Variants in SHISA9 observed in about 807,000 individuals in gnomAD.
The protein encoded by SHISA9 is shisa family member 9.
Under a neutral mutation model 38.0 loss-of-function variants are expected in SHISA9, and 13 were observed. The ratio of observed to expected loss-of-function variants is 0.34; its 90% CI spans 0.22 to 0.54. The LOEUF (loss-of-function observed/expected upper bound fraction) is 0.54. Ranked by LOEUF, SHISA9 falls within the 20% of genes least tolerant of loss-of-function variation. The pLI is 0.91. For missense variants in SHISA9, 538 were observed against 575.8 expected (o/e 0.93, Z 0.67); for synonymous variants, 275 against 242.0 (o/e 1.14, Z -1.27).
At chr16:13,494,609 G>C in the SHISA9 span, among the ~76,000 whole-genome samples, 2 of 151,930 alleles carry the variant, frequency 1.3e-5, no homozygotes, top group Admixed American at 6.6e-5. Context: ...TATGCTGCCA[G>C]TAAAATTAAA....
intron 2 of SHISA9, among the ~76,000 whole-genome samples, chr16:13,047,020 T>C (rs2073195734): frequency 6.6e-6 from 1 of 152,212 alleles, no homozygotes; most frequent in African/African-American, 2.4e-5. Flanking sequence ...ATAAATCGTA[T>C]TCATTTTGGA....
intron 2 of SHISA9, among the ~76,000 whole-genome samples, chr16:12,977,593 A>C (rs2072181118): frequency 6.6e-6 from 1 of 152,226 alleles, no homozygotes; most frequent in South Asian, 2.1e-4. Context: ...TAGACTGGAT[A>C]AAGAAAATGT....
chr16:13,395,135 A>T, the SHISA9 span, among the ~76,000 whole-genome samples: 1 of 152,170 alleles, frequency 6.6e-6, no homozygotes, highest in Non-Finnish European at 1.5e-5. Flanking sequence ...AGGTTTCATG[A>T]ATATGCAGAC....
chr16:13,150,475 G>A (rs1351262556), intron 2 of SHISA9, among the ~76,000 whole-genome samples: 1 of 152,084 alleles, frequency 6.6e-6, no homozygotes, highest in East Asian at 1.9e-4. Context: ...AGCAGCAAGA[G>A]ACACAGCAAG....
At chr16:13,352,063 G>C in the SHISA9 span, among the ~76,000 whole-genome samples, 1 of 152,164 alleles carries the variant, frequency 6.6e-6, no homozygotes, top group East Asian at 1.9e-4. Flanking sequence ...CATGGAGAGA[G>C]GATGTGATAG....
chr16:12,916,878 C>T, intron 2 of SHISA9, 63 bp downstream of exon 2: 1 of 1,510,768 alleles, frequency 6.6e-7, no homozygotes, highest in Non-Finnish European at 8.9e-7. Context: ...GGTCACATTG[C>T]CAGATTTCGT....
the SHISA9 span, among the ~76,000 whole-genome samples, chr16:13,507,827 G>C: frequency 6.6e-6 from 1 of 152,194 alleles, no homozygotes; most frequent in African/African-American, 2.4e-5. Flanking sequence ...GGCTAGAAAT[G>C]GGGTAGTAAA....
At chr16:13,217,756 G>C (rs576160208) in intron 4 of SHISA9, among the ~76,000 whole-genome samples, 8 of 152,196 alleles carry the variant, frequency 5.3e-5, no homozygotes, top group East Asian at 3.9e-4. Flanking sequence ...TAGGCCGGGC[G>C]TGGTGGCTCA....
intron 2 of SHISA9, among the ~76,000 whole-genome samples, chr16:13,022,375 A>G (rs1379430003): frequency 6.6e-6 from 1 of 151,916 alleles, no homozygotes; most frequent in African/African-American, 2.4e-5. Flanking sequence ...CTTGTTGCCC[A>G]GGCTGGAGTG....
At chr16:13,392,995 C>A in the SHISA9 span, among the ~76,000 whole-genome samples, 5 of 152,196 alleles carry the variant, frequency 3.3e-5, no homozygotes, top group Middle Eastern at 3.2e-3. Flanking sequence ...TACCTTGTTA[C>A]AGCAGCCCTT....
chr16:13,276,328 T>C, the SHISA9 span, among the ~76,000 whole-genome samples: 1 of 150,400 alleles, frequency 6.6e-6, no homozygotes. Flanking sequence ...GACAGGTATT[T>C]GGGCTGGTTT....
At chr16:12,974,870 ACT>A (rs1458941479) in intron 2 of SHISA9, among the ~76,000 whole-genome samples, 1 of 152,096 alleles carries the variant, frequency 6.6e-6, no homozygotes, top group Non-Finnish European at 1.5e-5. Flanking sequence ...TACATCTATA[ACT>A]CTATATTTAT....
chr16:13,544,002 G>A, the SHISA9 span, among the ~76,000 whole-genome samples: 1 of 152,068 alleles, frequency 6.6e-6, no homozygotes, highest in African/African-American at 2.4e-5. Context: ...GGGAAGTCAC[G>A]TGCCTAAAAT....
At chr16:13,531,956 G>A in the SHISA9 span, among the ~76,000 whole-genome samples, 2 of 152,102 alleles carry the variant, frequency 1.3e-5, no homozygotes, top group Non-Finnish European at 2.9e-5. Context: ...GTGATGACAC[G>A]AAGAAGAAGA....
At chr16:13,145,521 C>T (rs1188074913) in intron 2 of SHISA9, among the ~76,000 whole-genome samples, 1 of 151,590 alleles carries the variant, frequency 6.6e-6, no homozygotes, top group Non-Finnish European at 1.5e-5. Flanking sequence ...GAGCGAAACA[C>T]CATCTCAACA....
chr16:13,144,645 A>G (rs958596649), intron 2 of SHISA9, among the ~76,000 whole-genome samples: 6 of 152,326 alleles, frequency 3.9e-5, no homozygotes, highest in South Asian at 2.1e-4. Flanking sequence ...AGTGACTTCT[A>G]TCATCTTAAA....
chr16:12,907,848 A>C (rs894038467), intron 1 of SHISA9, among the ~76,000 whole-genome samples: 1 of 152,154 alleles, frequency 6.6e-6, no homozygotes, highest in African/African-American at 2.4e-5. Context: ...GGTTGCCACT[A>C]AGTGATGACT....
intron 2 of SHISA9, among the ~76,000 whole-genome samples, chr16:13,088,338 C>T (rs2073736733): frequency 6.6e-6 from 1 of 151,946 alleles, no homozygotes; most frequent in Non-Finnish European, 1.5e-5. Flanking sequence ...TAGTTTTTTC[C>T]AATTCTGTGA....
chr16:13,278,646 G>T, the SHISA9 span, among the ~76,000 whole-genome samples: 16 of 151,906 alleles, frequency 1.1e-4, no homozygotes, highest in Non-Finnish European at 1.8e-4. Flanking sequence ...AAGCTAGGAG[G>T]GTTGTATTTT....
Sources: allele counts gnomAD v4.1 joint callset (sites outside exome capture counted in the v4.1 genomes callset), GRCh38; gene constraint gnomAD v4.1.1; transcripts MANE v1.5; gene names NCBI Gene and HGNC (gene_info 2026-07-23, HGNC 2026-07-21).